Variants in ABAT observed in about 807,000 individuals in gnomAD.
ABAT encodes the protein 4-aminobutyrate aminotransferase, mitochondrial.
A neutral mutation model predicts 64.6 loss-of-function variants in ABAT; 45 were observed. The ratio of observed to expected loss-of-function variants is 0.70; its 90% confidence interval spans 0.55 to 0.89. ABAT has a LOEUF of 0.89. Ranked by LOEUF, ABAT falls within the 40% of genes least tolerant of loss-of-function variation. The pLI is 0.00. For synonymous variants in ABAT, 297 were observed against 250.5 expected (o/e 1.19, Z -1.75); for missense variants, 633 against 658.4 (o/e 0.96, Z 0.42).
At chr16:8,681,879 T>A (rs892466610) in intron 1 of ABAT, among the ~76,000 whole-genome samples, 1 of 151,288 alleles carries the variant, frequency 6.6e-6, no homozygotes, top group African/African-American at 2.4e-5. Context: ...TGACCTCAGG[T>A]GATCCACCCG....
At chr16:8,705,789 C>G (rs937989806) in intron 1 of ABAT, among the ~76,000 whole-genome samples, 1 of 139,676 alleles carries the variant, frequency 7.2e-6, no homozygotes, top group African/African-American at 2.6e-5. Flanking sequence ...TGCACATCCT[C>G]AGTTTCACAA....
intron 1 of ABAT, among the ~76,000 whole-genome samples, chr16:8,701,710 T>C (rs780071458): frequency 2.0e-5 from 3 of 152,136 alleles, no homozygotes; most frequent in Non-Finnish European, 4.4e-5. Flanking sequence ...AAATAGGAGA[T>C]ACCTGTTACG....
chr16:8,727,235 G>T (rs531686764), intron 1 of ABAT, among the ~76,000 whole-genome samples: 1 of 152,244 alleles, frequency 6.6e-6, no homozygotes, highest in East Asian at 1.9e-4. Context: ...CTTTGAGAGG[G>T]TCTCCAGAGG....
At chr16:8,732,781 C>T (rs1056546783) in intron 1 of ABAT, among the ~76,000 whole-genome samples, 2 of 150,614 alleles carry the variant, frequency 1.3e-5, no homozygotes, top group African/African-American at 5.0e-5. Context: ...GGGCTCCTCA[C>T]TTCCCAGTAG....
chr16:8,742,562 T>C (rs1031259154), intron 2 of ABAT, among the ~76,000 whole-genome samples: 4 of 152,050 alleles, frequency 2.6e-5, no homozygotes, highest in African/African-American at 9.7e-5. Flanking sequence ...AAAAGATAAA[T>C]AGTTTAGTGT....
intron 5 of ABAT, among the ~76,000 whole-genome samples, chr16:8,752,650 C>T (rs941588775): frequency 1.3e-5 from 2 of 152,020 alleles, no homozygotes; most frequent in Non-Finnish European, 2.9e-5. Flanking sequence ...GCCTGTAGTC[C>T]CAGCTACTCT....
intron 2 of ABAT, among the ~76,000 whole-genome samples, chr16:8,739,960 A>G (rs1387907424): frequency 6.6e-6 from 1 of 151,502 alleles, no homozygotes; most frequent in African/African-American, 2.4e-5. Context: ...ACTAAAACAC[A>G]GTGTTGGCAA....
chr16:8,765,963 T>C, intron 8 of ABAT: 2 of 455,858 alleles, frequency 4.4e-6, no homozygotes, highest in East Asian at 4.6e-5. Context: ...TCTCAGCAGA[T>C]CTTAATCCAA....
In ABAT at chr16:8,781,419, G is replaced by C. The variant is rs1485217799; in HGVS notation, c.1492G>C (p.Asp498His). The C allele has an allele frequency of 3.7e-6, 6 of 1,614,086 alleles. No individual in the cohort carries two copies. In the Middle Eastern group the frequency reaches 4.9e-4, roughly 133 times the overall value. The change falls in exon 16 of 16, where the codon GAC (aspartate) becomes CAC (histidine). Residue 498 changes from aspartate to histidine, a missense_variant. Physicochemically the swap from Asp to His is moderately conservative, Grantham distance 81. Transcript: ENST00000268251. This position sits in a 1 kb window ranked among gnomAD's most constrained non-coding sequence, Gnocchi z 4.5. The part of the protein sequence containing the change: ...FLNIFSDILA[D>H]FK ...CAATATTTTCAGTGACATCTTAGCAGACTTCAAGTAAAGAAGCCATTTCCA... is the reference window on the plus strand; with the variant it reads ...CAATATTTTCAGTGACATCTTAGCACACTTCAAGTAAAGAAGCCATTTCCA...
intron 1 of ABAT, among the ~76,000 whole-genome samples, chr16:8,732,361 C>A (rs1473071014): frequency 1.3e-5 from 2 of 150,658 alleles, no homozygotes; most frequent in Admixed American, 1.3e-4. Flanking sequence ...AGGCAGAGGA[C>A]CCTGCGGCCT....
intron 1 of ABAT, among the ~76,000 whole-genome samples, chr16:8,687,266 T>A (rs1271892670): frequency 6.6e-6 from 1 of 152,192 alleles, no homozygotes; most frequent in Non-Finnish European, 1.5e-5. Context: ...AGCTCCGGTC[T>A]GTAATCCCAG....
chr16:8,732,587 A>G (rs1271534854), intron 1 of ABAT, among the ~76,000 whole-genome samples: 1 of 151,700 alleles, frequency 6.6e-6, no homozygotes, highest in Non-Finnish European at 1.5e-5. Context: ...TTTTCTTAGC[A>G]CAGAACAAAA....
At chr16:8,715,702 T>C (rs1313506789) in intron 1 of ABAT, 1 of 150,790 alleles carries the variant, frequency 6.6e-6, no homozygotes, top group Non-Finnish European at 1.5e-5. Context: ...TGAATATAGA[T>C]TGTATGTTAG....
At chr16:8,693,320 G>T (rs960829136) in intron 1 of ABAT, among the ~76,000 whole-genome samples, 2 of 151,924 alleles carry the variant, frequency 1.3e-5, no homozygotes, top group African/African-American at 4.8e-5. Context: ...ATGTTTCTAG[G>T]CTACACAGTT....
chr16:8,700,641 G>A (rs920939422), intron 1 of ABAT, among the ~76,000 whole-genome samples: 1 of 152,170 alleles, frequency 6.6e-6, no homozygotes, highest in Non-Finnish European at 1.5e-5. Flanking sequence ...TGTCACCCAG[G>A]CTGGAGTGCT....
At chr16:8,769,300 G>A (rs1212483664) in intron 11 of ABAT, among the ~76,000 whole-genome samples, 1 of 152,162 alleles carries the variant, frequency 6.6e-6, no homozygotes, top group Non-Finnish European at 1.5e-5. Flanking sequence ...GGGCACGGTG[G>A]CTCCGCCTGT....
chr16:8,738,947 G>A (rs1181489161), intron 2 of ABAT, among the ~76,000 whole-genome samples: 1 of 152,088 alleles, frequency 6.6e-6, no homozygotes, highest in Admixed American at 6.6e-5. Context: ...ACCTGGCCAA[G>A]GTTTTGCTTT....
At position 8,781,483 on chromosome 16, in the gene ABAT, T is replaced by A. The variant is rs1567321094; in HGVS notation, c.*53T>A. ...GCCCGGATCCCAACAGTTGTCAAAT[T>A]GATTAGTTTGCCTAATTCATGTTTT... On this transcript the variant is annotated 3_prime_UTR_variant, in exon 16 of 16. Coordinates refer to ENST00000268251, the MANE Select transcript of ABAT (RefSeq NM_020686.6). This position sits in a 1 kb window ranked among gnomAD's most constrained non-coding sequence, Gnocchi z 4.5. The A allele has an allele frequency of 3.7e-6, 6 of 1,610,098 alleles. No homozygotes were observed. The highest frequency in any genetic ancestry group is 4.2e-6 in the Non-Finnish European group (5 of 1,177,064).
intron 1 of ABAT, among the ~76,000 whole-genome samples, chr16:8,723,809 T>TATA (rs2058445970): frequency 4.5e-5 from 2 of 44,808 alleles, no homozygotes; most frequent in East Asian, 6.8e-4. Flanking sequence ...TCCAAGCTTT[T>TATA]TATATATATA....
Sources: gnomAD v4.1 joint callset for allele counts (sites outside exome capture counted in the v4.1 genomes callset) on GRCh38, gnomAD v4.1.1 for gene constraint, Gnocchi (gnomAD v3.1) non-coding constraint, MANE v1.5 for transcripts, NCBI Gene and HGNC (gene_info 2026-07-23, HGNC 2026-07-21) for gene names.